Variants in FAM20B observed in about 807,000 individuals in gnomAD.
FAM20B encodes the protein FAM20B glycosaminoglycan xylosylkinase.
In FAM20B, 23 loss-of-function variants were observed where a neutral mutation model predicts 43.8. The ratio of observed to expected loss-of-function variants is 0.53; its 90% CI spans 0.38 to 0.74. FAM20B has a LOEUF of 0.74. Among genes scored for constraint, FAM20B ranks in the 30% least tolerant of loss-of-function variants. FAM20B has a pLI of 0.00. For synonymous variants in FAM20B, 178 were observed against 192.4 expected, an observed-to-expected ratio of 0.93 and a Z score of 0.62; for missense variants, 440 against 510.5, an observed-to-expected ratio of 0.86 and a Z score of 1.33.
intron 7 of FAM20B, among the ~76,000 whole-genome samples, chr1:179,069,831 T>C (rs1409885250): frequency 6.6e-6 from 1 of 152,208 alleles, no homozygotes; most frequent in East Asian, 1.9e-4. Context: ...CATGCATGCT[T>C]TATGCAGCAG....
intron 1 of FAM20B, among the ~76,000 whole-genome samples, chr1:179,040,531 C>CAGA (rs1557868939): frequency 3.4e-5 from 4 of 119,140 alleles, no homozygotes; most frequent in African/African-American, 3.7e-5. Flanking sequence ...GCTGGCCGGG[C>CAGA]GGGGGGCTGA....
In FAM20B at chr1:179,044,337, A is replaced by G. The variant is rs1650677507; in HGVS notation, c.377+113A>G. On this transcript the variant is annotated intron_variant, in intron 2 of 7. Transcript: ENST00000263733. The stretch of plus-strand genomic sequence containing the variant: ...TTGGAAGTCTCTTCAGTAAAATAAG[A>G]GGGGTAGACTAGATCTCTAAAGTCT... The G allele has an allele frequency of 1.4e-5, 17 of 1,189,984 alleles. No homozygotes were observed. The South Asian group carries it at 2.2e-4, about 15-fold the overall frequency. The allele number at this position is 1,189,984 out of a possible 1,614,324, so 73.7% of individuals were successfully genotyped here.
intron 1 of FAM20B, 51 bp from the exon 2 acceptor site, chr1:179,043,664 G>C: frequency 1.8e-6 from 1 of 553,850 alleles, no homozygotes; most frequent in South Asian, 3.0e-5. Context: ...AGATTCAGGG[G>C]TGGAAGGACA....
chr1:179,040,079 CAGA>C (rs1650419872), intron 1 of FAM20B, among the ~76,000 whole-genome samples: 1 of 152,244 alleles, frequency 6.6e-6, no homozygotes, highest in Admixed American at 6.5e-5. Flanking sequence ...GATCCCAAGG[CAGA>C]AGAACTTTTC....
At chr1:179,040,138 A>G (rs1273280014) in intron 1 of FAM20B, among the ~76,000 whole-genome samples, 2 of 152,216 alleles carry the variant, frequency 1.3e-5, no homozygotes, top group Admixed American at 6.5e-5. Flanking sequence ...ACCTCCTTCT[A>G]CACAGACACG....
chr1:179,071,221 G>A (rs994074251), intron 7 of FAM20B, among the ~76,000 whole-genome samples: 6 of 151,520 alleles, frequency 4.0e-5, no homozygotes, highest in Non-Finnish European at 5.9e-5. Flanking sequence ...GCGTGAACCC[G>A]GGAGGCAGAG....
At position 179,064,059 on chromosome 1, in the gene FAM20B, A is replaced by G. The variant is rs1334956519; in HGVS notation, c.707A>G (p.His236Arg). ...PDVWPLQKHR[H>R]PWGRTYREGK... ...GTGTGGCCTCTGCAGAAGCACCGTC[A>G]CCCATGGGGCAGGACTTACCGAGAA... The change falls in exon 5 of 8, where the codon CAC (histidine) becomes CGC (arginine). Residue 236 changes from histidine to arginine, a missense_variant. Physicochemically the swap from His to Arg is conservative, Grantham distance 29. Coordinates refer to ENST00000263733, the MANE Select transcript of FAM20B (RefSeq NM_014864.4). 6.2e-7 allele frequency: 1 copy of G among 1,613,894 alleles called. No homozygotes were observed. The highest frequency in any genetic ancestry group is 8.5e-7 in the Non-Finnish European group (1 of 1,179,960).
At chr1:179,019,190 T>C in the FAM20B span, among the ~76,000 whole-genome samples, 1 of 152,184 alleles carries the variant, frequency 6.6e-6, no homozygotes, top group Non-Finnish European at 1.5e-5. Context: ...TATCTGGGCA[T>C]CCCATGGCCC....
In FAM20B at chr1:179,064,094, G is replaced by A. The variant is rs757839768; in HGVS notation, c.742G>A (p.Ala248Thr). 2 of 1,608,836 alleles carry A rather than the reference G, an allele frequency of 1.2e-6. No individual in the cohort carries two copies. The highest frequency in any genetic ancestry group is 1.7e-6 in the Non-Finnish European group (2 of 1,177,950). ...CAGGACTTACCGAGAAGGCAAATTG[G>A]CCAGGTAAATGCTCCTATGAGCCAT... Reference protein sequence around the residue: ...WGRTYREGKLARWEYDESYCD... With the variant: ...WGRTYREGKLTRWEYDESYCD... The change falls in exon 5 of 8, where the codon GCC becomes ACC. Residue 248 changes from alanine (A) to threonine (T), a missense_variant. Transcript: ENST00000263733.
rs146796295 is a variant in FAM20B at position 179,052,676 on chromosome 1, A to G, written c.465-1853A>G. Among the ~76,000 whole-genome samples, 8 of 152,308 alleles carry G rather than the reference A, an allele frequency of 5.3e-5. No homozygotes were observed. In the East Asian group the frequency reaches 1.4e-3, roughly 26 times the overall value. On this transcript the variant is annotated intron_variant, in intron 3 of 7. Transcript: ENST00000263733. ...AAAACTGGTTGTAACCTAAACATCTATTGATATGGAAAAGCTTAGATATGT... is the reference window on the plus strand; with the variant it reads ...AAAACTGGTTGTAACCTAAACATCTGTTGATATGGAAAAGCTTAGATATGT...
In FAM20B at chr1:179,064,079, C is replaced by A. The variant is rs757361941; in HGVS notation, c.727C>A (p.Arg243=). 24 of 1,609,716 alleles carry A rather than the reference C, an allele frequency of 1.5e-5. No individual in the cohort carries two copies. Among genetic ancestry groups the A allele is most frequent in the Non-Finnish European group, 1.9e-5 (22 of 1,178,798 alleles). The stretch of plus-strand genomic sequence containing the variant: ...CCGTCACCCATGGGGCAGGACTTAC[C>A]GAGAAGGCAAATTGGCCAGGTAAAT... ...KHRHPWGRTY[R]EGKLARWEYD... The change falls in exon 5 of 8, where the codon CGA becomes AGA. Residue 243 remains arginine, a synonymous_variant. Coordinates refer to ENST00000263733, the MANE Select transcript of FAM20B (RefSeq NM_014864.4).
chr1:179,068,617 G>T (rs1412432308), intron 7 of FAM20B, among the ~76,000 whole-genome samples: 2 of 152,076 alleles, frequency 1.3e-5, no homozygotes, highest in African/African-American at 4.8e-5. Context: ...TGTATTTTTA[G>T]TAGAGACGGG....
intron 2 of FAM20B, among the ~76,000 whole-genome samples, chr1:179,045,524 A>T (rs982300764): frequency 6.6e-6 from 1 of 152,188 alleles, no homozygotes; most frequent in African/African-American, 2.4e-5. Context: ...AATGGAAGGG[A>T]TCACTGTTGG....
At chr1:179,057,134 C>A (rs112587685) in intron 4 of FAM20B, among the ~76,000 whole-genome samples, 1 of 152,026 alleles carries the variant, frequency 6.6e-6, no homozygotes, top group Non-Finnish European at 1.5e-5. Flanking sequence ...CACTTGAGGG[C>A]GGGAGTTCGA....
At chr1:179,040,747 G>C (rs1191892688) in intron 1 of FAM20B, among the ~76,000 whole-genome samples, 1 of 150,584 alleles carries the variant, frequency 6.6e-6, no homozygotes, top group East Asian at 2.0e-4. Flanking sequence ...CGGCTGGCCT[G>C]GCGGGGGCTG....
At chr1:179,065,281 G>C (rs146255348) in intron 6 of FAM20B, among the ~76,000 whole-genome samples, 86 of 152,158 alleles carry the variant, frequency 5.7e-4, no homozygotes, top group African/African-American at 1.8e-3. Context: ...CTCCTGAGTA[G>C]CTGGGACTAC....
At chr1:179,053,675 A>G (rs1022540802) in intron 3 of FAM20B, among the ~76,000 whole-genome samples, 1 of 152,210 alleles carries the variant, frequency 6.6e-6, no homozygotes, top group Non-Finnish European at 1.5e-5. Flanking sequence ...CAGAATCAGC[A>G]GCCCTAAACA....
intron 1 of FAM20B, among the ~76,000 whole-genome samples, chr1:179,037,668 A>G (rs1032496249): frequency 6.6e-6 from 1 of 151,430 alleles, no homozygotes; most frequent in African/African-American, 2.4e-5. Flanking sequence ...TGTATTTTTC[A>G]TAGAGATGGG....
chr1:179,056,907 T>A (rs181913647), intron 4 of FAM20B, among the ~76,000 whole-genome samples: 65 of 152,352 alleles, frequency 4.3e-4, no homozygotes, highest in African/African-American at 1.4e-3. Flanking sequence ...CATATGTTTT[T>A]CTGTCATCTG....
Sources: gnomAD v4.1 joint callset for allele counts (sites outside exome capture counted in the v4.1 genomes callset) on GRCh38, gnomAD v4.1.1 for gene constraint, MANE v1.5 for transcripts, NCBI Gene and HGNC (gene_info 2026-07-23, HGNC 2026-07-21) for gene names.